The following MEGF6 variants were observed in gnomAD, a reference collection of about 807,000 sequenced individuals.
MEGF6 encodes multiple EGF like domains 6, also known as multiple epidermal growth factor-like domains protein 6.
Under a neutral mutation model 207.1 loss-of-function variants are expected in MEGF6, and 184 were observed. That is an observed-to-expected ratio of 0.89 (90% CI 0.79 to 1.00). The LOEUF is 1.00. MEGF6 is among the 50% of genes least tolerant of loss of function. The probability of loss-of-function intolerance (pLI) is 0.00; values close to 1 mark genes in which losing one functional copy is unlikely to be tolerated. For missense variants in MEGF6, 2,282 were observed against 2,202.9 expected (o/e 1.04, Z -0.72); for synonymous variants, 1,038 against 910.0 (o/e 1.14, Z -2.53).
rs748897395 is a variant in MEGF6 at position 3,507,844 on chromosome 1, C to T, written c.1740G>A (p.Thr580=). 1.6e-5 allele frequency: 26 copies of T among 1,612,694 alleles called. No homozygotes were observed. The highest frequency in any genetic ancestry group is 6.7e-5 in the African/African-American group (5 of 74,918). Reference sequence around the variant, plus strand: ...CACCCGGGGGGCAGCGGCAGGCCCCCGTGACAGAGTCGCAGGTCCCACCAT... The same window carrying T: ...CACCCGGGGGGCAGCGGCAGGCCCCTGTGACAGAGTCGCAGGTCCCACCAT... ...CQNGGTCDSV[T]GACRCPPGVS... Residue 580 remains threonine, a synonymous_variant, in exon 14 of 37, where the codon ACG becomes ACA. Coordinates refer to ENST00000356575, the MANE Select transcript of MEGF6 (RefSeq NM_001409.4).
intron 36 of MEGF6, 124 bp from the exon 37 acceptor site, chr1:3,490,713 T>TGGGGCCCACCCATCCTTCCC (rs1640319489): frequency 3.2e-6 from 3 of 944,514 alleles, no homozygotes; most frequent in Non-Finnish European, 4.6e-6. Context: ...AGCAGGTGGG[T>TGGGGCCCACCCATCCTTCCC]GGGGCCCACC....
In MEGF6 at chr1:3,611,278, C is replaced by T. The variant is rs752597392; in HGVS notation, c.-10G>A. On this transcript the variant is annotated 5_prime_UTR_variant, in exon 1 of 37. Transcript: ENST00000356575. ...CTTCAAGGAACGACATCGTGCGCGCCGGTGCCTCCTCCGCTCTCCGGCTCA... is the reference window on the plus strand; with the variant it reads ...CTTCAAGGAACGACATCGTGCGCGCTGGTGCCTCCTCCGCTCTCCGGCTCA... 6.9e-6 allele frequency: 10 copies of T among 1,458,336 alleles called. No homozygotes were observed. The highest frequency in any genetic ancestry group is 1.8e-4 in the Middle Eastern group (1 of 5,472). 90.3% of individuals were successfully genotyped at this position (1,458,336 alleles called of 1,614,324 possible).
intron 26 of MEGF6, chr1:3,497,670 C>G (rs78738321): frequency 1.8e-6 from 1 of 549,284 alleles, no homozygotes; most frequent in African/African-American, 1.9e-5. Flanking sequence ...CTGGCAGCCC[C>G]GCCCCATGGA....
chr1:3,526,543 C>T (rs1160940962), intron 4 of MEGF6, among the ~76,000 whole-genome samples: 1 of 152,078 alleles, frequency 6.6e-6, no homozygotes, highest in Non-Finnish European at 1.5e-5. Context: ...GGATTACAGG[C>T]ACCCGCCACC....
In MEGF6 at chr1:3,498,837, G is replaced by A; in HGVS notation, c.3095-11C>T. ...GGCCGGCAGGGCAGGCTGGGGCCAG[G>A]GAAGAGGGAGCAACCTGCATCCCCC... On this transcript the variant is annotated splice_polypyrimidine_tract_variant and intron_variant, in intron 24 of 36. Transcript: ENST00000356575. 6.5e-7 allele frequency: 1 copy of A among 1,548,954 alleles called. No homozygotes were observed. Among genetic ancestry groups the A allele is most frequent in the Non-Finnish European group, 8.7e-7 (1 of 1,146,326 alleles).
intron 4 of MEGF6, among the ~76,000 whole-genome samples, chr1:3,562,970 G>A (rs1407853746): frequency 2.0e-5 from 3 of 152,214 alleles, no homozygotes; most frequent in Admixed American, 6.5e-5. Flanking sequence ...GCCATGGCTG[G>A]AGGAAGGCTT....
intron 3 of MEGF6, among the ~76,000 whole-genome samples, chr1:3,583,286 C>CACAGCCACCAGACAACG (rs1643844890): frequency 3.3e-5 from 5 of 149,270 alleles, no homozygotes; most frequent in Admixed American, 3.3e-4. Flanking sequence ...ACCAGACAAC[C>CACAGCCACCAGACAACG]CACAGCCACC....
intron 7 of MEGF6, 117 bp downstream of exon 7, chr1:3,514,433 C>A (rs1641463322): frequency 7.4e-7 from 1 of 1,344,860 alleles, no homozygotes; most frequent in Non-Finnish European, 9.9e-7. Flanking sequence ...GGGGGCAAGG[C>A]CAAAGGGCCT....
intron 4 of MEGF6, among the ~76,000 whole-genome samples, chr1:3,563,995 G>T (rs545994160): frequency 6.6e-6 from 1 of 152,216 alleles, no homozygotes; most frequent in Non-Finnish European, 1.5e-5. Context: ...GCAACTGCTC[G>T]TTGTAAGGGA....
intron 4 of MEGF6, among the ~76,000 whole-genome samples, chr1:3,551,585 C>T (rs758824447): frequency 5.3e-5 from 8 of 152,134 alleles, no homozygotes; most frequent in East Asian, 1.9e-4. Context: ...TCCCAGGATG[C>T]GGTCCAGCTC....
At chr1:3,499,441 G>T in intron 23 of MEGF6, 147 bp downstream of exon 23, 1 of 1,409,150 alleles carries the variant, frequency 7.1e-7, no homozygotes, top group Non-Finnish European at 9.5e-7. Flanking sequence ...AAGGACCAAC[G>T]CTCTGGCCCG....
Position 3,594,741 on chromosome 1 carries a change from G to T in MEGF6, c.376+597C>A, listed in dbSNP as rs1644032422. Among the ~76,000 whole-genome samples, 1 of 152,182 alleles carries T rather than the reference G, an allele frequency of 6.6e-6. No individual in the cohort carries two copies. The highest frequency in any genetic ancestry group is 2.4e-5 in the African/African-American group (1 of 41,432). ...GCTTGAGAGCCGCCCGCTCAGCTCA[G>T]ACCACCCAATTCCAGTCCTGGGCCC... On this transcript the variant is annotated intron_variant, in intron 3 of 36. Coordinates refer to ENST00000356575, the MANE Select transcript of MEGF6 (RefSeq NM_001409.4). This position sits in a 1 kb window ranked among gnomAD's most constrained non-coding sequence, Gnocchi z 4.2.
chr1:3,505,399 C>CG, intron 16 of MEGF6, 23 bp downstream of exon 16: 1 of 1,585,894 alleles, frequency 6.3e-7, no homozygotes, highest in South Asian at 1.1e-5. Flanking sequence ...CCCCCCGCCC[C>CG]CAGACCCCAT....
the MEGF6 span, among the ~76,000 whole-genome samples, chr1:3,618,438 C>T: frequency 6.6e-6 from 1 of 152,090 alleles, no homozygotes; most frequent in African/African-American, 2.4e-5. The surrounding 1 kb of genome is among the most constrained non-coding windows in gnomAD (Gnocchi z 4.7). Context: ...CCCCACACGG[C>T]GAGGGGCAGG....
chr1:3,589,727 C>A (rs1278898175), intron 3 of MEGF6, among the ~76,000 whole-genome samples: 1 of 152,244 alleles, frequency 6.6e-6, no homozygotes, highest in East Asian at 1.9e-4. Flanking sequence ...GCCTCCATGA[C>A]CGTATGTCAA....
At chr1:3,500,432 C>A (rs954185933) in intron 21 of MEGF6, among the ~76,000 whole-genome samples, 1 of 152,362 alleles carries the variant, frequency 6.6e-6, no homozygotes, top group East Asian at 1.9e-4. Flanking sequence ...GAAGCCAGGC[C>A]AGGGCCCAGC....
At chr1:3,567,219 C>T (rs1412033482) in intron 4 of MEGF6, among the ~76,000 whole-genome samples, 7 of 152,244 alleles carry the variant, frequency 4.6e-5, no homozygotes, top group Non-Finnish European at 1.0e-4. Context: ...GCCCTGGTCC[C>T]TCCCAGGGAT....
chr1:3,603,771 G>A (rs562386318), intron 1 of MEGF6, among the ~76,000 whole-genome samples: 12 of 151,786 alleles, frequency 7.9e-5, no homozygotes, highest in African/African-American at 2.4e-4. Flanking sequence ...ACCAGCCGCC[G>A]CCCCGTGGGC....
intron 4 of MEGF6, among the ~76,000 whole-genome samples, chr1:3,535,523 A>G (rs939695469): frequency 1.3e-5 from 2 of 151,974 alleles, no homozygotes; most frequent in Non-Finnish European, 2.9e-5. Context: ...GGCTCCTCCT[A>G]TCCCGTAGCC....
Sources: gnomAD v4.1 joint callset for allele counts (sites outside exome capture counted in the v4.1 genomes callset) on GRCh38, gnomAD v4.1.1 for gene constraint, Gnocchi (gnomAD v3.1) non-coding constraint, MANE v1.5 for transcripts, NCBI Gene and HGNC (gene_info 2026-07-23, HGNC 2026-07-21) for gene names.